The following SLIT3 variants were observed in gnomAD, a reference collection of about 807,000 sequenced individuals.
The protein encoded by SLIT3 is slit homolog 3 protein.
Under a neutral mutation model 184.0 loss-of-function variants are expected in SLIT3, and 68 were observed. The observed-to-expected ratio is 0.37, with a 90% CI of 0.30 to 0.45. The LOEUF (loss-of-function observed/expected upper bound fraction) is 0.45, where lower values mean the gene tolerates loss of function less well. Ranked by LOEUF, SLIT3 falls within the 20% of genes least tolerant of loss-of-function variation. The pLI, the probability that SLIT3 is intolerant of heterozygous loss-of-function variation, is 1.00. For missense variants in SLIT3, 1,707 were observed against 2,026.0 expected (o/e 0.84, Z 3.02); for synonymous variants, 831 against 828.6 (o/e 1.00, Z -0.05).
Position 168,810,264 on chromosome 5 carries a change from T to A in SLIT3, c.794-3677A>T, listed in dbSNP as rs115559182. 4.5e-3 allele frequency among the ~76,000 whole-genome samples: 682 copies of A among 152,330 alleles called. 5 individuals are homozygous for A. The highest frequency in any genetic ancestry group is 0.016 in the African/African-American group (645 of 41,572). Reference sequence around the variant, plus strand: ...GATAGAAGGAATCACTTTCTATATCTCCGATGAAAGCATCTGTCTGCATGC... The same window carrying A: ...GATAGAAGGAATCACTTTCTATATCACCGATGAAAGCATCTGTCTGCATGC... On this transcript the variant is annotated intron_variant, in intron 8 of 35. Transcript: ENST00000519560.
chr5:168,702,369 C>T (rs896308918), intron 26 of SLIT3, among the ~76,000 whole-genome samples: 2 of 152,126 alleles, frequency 1.3e-5, no homozygotes, highest in East Asian at 1.9e-4. Flanking sequence ...TGGCCAAGAT[C>T]GCACAGCAGT....
intron 1 of SLIT3, among the ~76,000 whole-genome samples, chr5:169,287,764 C>T (rs1010631625): frequency 5.9e-5 from 9 of 152,124 alleles, no homozygotes; most frequent in South Asian, 2.1e-4. Context: ...ATGTGGTGGA[C>T]GCGTTTCTCA....
intron 6 of SLIT3, among the ~76,000 whole-genome samples, chr5:168,827,934 G>A (rs549259416): frequency 6.6e-6 from 1 of 152,290 alleles, no homozygotes; most frequent in East Asian, 1.9e-4. Context: ...CAGGCCATAT[G>A]GCTTGCAAAG....
intron 1 of SLIT3, among the ~76,000 whole-genome samples, chr5:169,260,049 A>G (rs1395950206): frequency 6.6e-6 from 1 of 152,124 alleles, no homozygotes; most frequent in Non-Finnish European, 1.5e-5. Flanking sequence ...CAGCATAGCT[A>G]TCTCAATGGA....
At chr5:168,896,143 C>A (rs74975947) in intron 4 of SLIT3, among the ~76,000 whole-genome samples, 1 of 152,176 alleles carries the variant, frequency 6.6e-6, no homozygotes, top group African/African-American at 2.4e-5. Context: ...GCCTTACATG[C>A]CTGCTAGAAG....
At chr5:168,727,796 G>A (rs1763177708) in intron 20 of SLIT3, among the ~76,000 whole-genome samples, 1 of 152,224 alleles carries the variant, frequency 6.6e-6, no homozygotes, top group African/African-American at 2.4e-5. Flanking sequence ...TATGTATCCA[G>A]CTTATTCCTT....
At chr5:168,706,935 G>A (rs1458266402) in intron 26 of SLIT3, 1 of 152,258 alleles carries the variant, frequency 6.6e-6, no homozygotes, top group East Asian at 1.9e-4. Context: ...GCATTAGACA[G>A]GCTGTGGGGC....
intron 4 of SLIT3, among the ~76,000 whole-genome samples, chr5:169,061,297 G>A (rs1378332504): frequency 4.6e-5 from 7 of 152,294 alleles, no homozygotes; most frequent in African/African-American, 7.2e-5. Context: ...AGCTCTGACC[G>A]ATGTCTCTCT....
intron 4 of SLIT3, among the ~76,000 whole-genome samples, chr5:168,910,954 G>A (rs1170723257): frequency 6.6e-6 from 1 of 152,006 alleles, no homozygotes; most frequent in Middle Eastern, 3.2e-3. Flanking sequence ...ATGCCTTTTT[G>A]TAAAGAAAAC....
chr5:169,098,889 C>T (rs1225298016), intron 4 of SLIT3, among the ~76,000 whole-genome samples: 2 of 152,254 alleles, frequency 1.3e-5, no homozygotes, highest in East Asian at 1.9e-4. Context: ...TCCAGCACAG[C>T]CACATTCCAG....
At chr5:169,292,475 G>A (rs995479478) in intron 1 of SLIT3, among the ~76,000 whole-genome samples, 10 of 152,158 alleles carry the variant, frequency 6.6e-5, no homozygotes, top group Non-Finnish European at 1.3e-4. Context: ...CAGAACCCCA[G>A]GGAAAGAAGA....
chr5:168,739,917 G>T (rs1763568510), intron 20 of SLIT3, among the ~76,000 whole-genome samples: 1 of 152,100 alleles, frequency 6.6e-6, no homozygotes, highest in Non-Finnish European at 1.5e-5. Context: ...CTTCTCACCT[G>T]CATTTCTTTT....
At chr5:168,911,233 T>A (rs1179122668) in intron 4 of SLIT3, among the ~76,000 whole-genome samples, 1 of 152,174 alleles carries the variant, frequency 6.6e-6, no homozygotes, top group Non-Finnish European at 1.5e-5. Context: ...AATAGATATA[T>A]GTATGTTAAA....
chr5:169,078,618 C>A (rs1758841234), intron 4 of SLIT3, among the ~76,000 whole-genome samples: 1 of 152,170 alleles, frequency 6.6e-6, no homozygotes, highest in Non-Finnish European at 1.5e-5. Context: ...TTTCTTTACC[C>A]TTCATCTTCA....
chr5:168,819,419 G>A (rs554445825), intron 7 of SLIT3, among the ~76,000 whole-genome samples: 39 of 152,350 alleles, frequency 2.6e-4, no homozygotes, highest in African/African-American at 7.0e-4. Context: ...GCAGCCTGCC[G>A]TGGCATGCGC....
At position 168,692,627 on chromosome 5, in the gene SLIT3, G is replaced by A. The variant is rs748150336; in HGVS notation, c.3156C>T (p.Ile1052=). 6.2e-6 allele frequency: 10 copies of A among 1,613,730 alleles called. No homozygotes were observed. Among genetic ancestry groups the A allele is most frequent in the Non-Finnish European group, 8.5e-6 (10 of 1,179,784 alleles). The change falls in exon 29 of 36, where the codon ATC becomes ATT. Residue 1052 remains isoleucine (I), a synonymous_variant. Coordinates refer to ENST00000519560, the MANE Select transcript of SLIT3 (RefSeq NM_003062.4). The part of the protein sequence containing the change: ...LNLCQHEAKC[I]PLDKGFSCEC... ...CTTACCTGAATCCTTTGTCCAGGGG[G>A]ATGCACTTGGCCTCATGCTGACAGA...
chr5:169,297,121 C>T (rs753727338), intron 1 of SLIT3, among the ~76,000 whole-genome samples: 4 of 152,242 alleles, frequency 2.6e-5, no homozygotes, highest in African/African-American at 7.2e-5. Context: ...CACCGCCATC[C>T]ACTTCCTCTC....
At chr5:168,984,122 T>C (rs1021599123) in intron 4 of SLIT3, among the ~76,000 whole-genome samples, 2 of 152,100 alleles carry the variant, frequency 1.3e-5, no homozygotes, top group Non-Finnish European at 2.9e-5. Context: ...CTGTAAAATG[T>C]ACTTGCAACA....
chr5:168,857,616 C>T lies in SLIT3; in HGVS notation c.486-12961G>A, dbSNP rs115259383. Among the ~76,000 whole-genome samples the T allele has an allele frequency of 8.1e-3, 1,233 of 152,252 alleles. 17 individuals carry two copies. Among genetic ancestry groups the T allele is most frequent in the African/African-American group, 0.028 (1,152 of 41,526 alleles). On this transcript the variant is annotated intron_variant, in intron 5 of 35. Coordinates refer to ENST00000519560, the MANE Select transcript of SLIT3 (RefSeq NM_003062.4). ...TTTTAATTCAGTCCCTGAGTCCTCA[C>T]ATGAAGTTTTTCTCATTTTGTTGTT...
Sources: gnomAD v4.1 joint callset for allele counts (sites outside exome capture counted in the v4.1 genomes callset) on GRCh38, gnomAD v4.1.1 for gene constraint, MANE v1.5 for transcripts, NCBI Gene and HGNC (gene_info 2026-07-23, HGNC 2026-07-21) for gene names.